The following CCBE1 variants were observed in gnomAD, a reference collection of about 807,000 sequenced individuals.
The protein encoded by CCBE1 is collagen and calcium-binding EGF domain-containing protein 1.
A neutral mutation model predicts 50.0 loss-of-function variants in CCBE1; 37 were observed. The ratio of observed to expected loss-of-function variants is 0.74; its 90% CI spans 0.57 to 0.97. The LOEUF (loss-of-function observed/expected upper bound fraction) is 0.97, where lower values mean the gene tolerates loss of function less well. Among genes scored for constraint, CCBE1 ranks in the 50% least tolerant of loss-of-function variants. The pLI is 0.00. For synonymous variants in CCBE1, 234 were observed against 203.7 expected (o/e 1.15, Z -1.27); for missense variants, 538 against 523.8 (o/e 1.03, Z -0.26).
At chr18:59,443,986 A>T (rs1568142067) in intron 7 of CCBE1, among the ~76,000 whole-genome samples, 1 of 152,238 alleles carries the variant, frequency 6.6e-6, no homozygotes, top group Non-Finnish European at 1.5e-5. Flanking sequence ...AGTGTTAATT[A>T]TATAGTGTGT....
At chr18:59,470,934 C>T (rs1469490140) in intron 3 of CCBE1, among the ~76,000 whole-genome samples, 3 of 152,196 alleles carry the variant, frequency 2.0e-5, no homozygotes, top group Non-Finnish European at 4.4e-5. Flanking sequence ...TAAAATACTC[C>T]TTCCCATGAT....
rs1568201642 is a variant in CCBE1, at chr18:59,551,025, A to AG, written c.213-70788_213-70787insC. Among the ~76,000 whole-genome samples, 108 of 114,844 alleles carry AG rather than the reference A, an allele frequency of 9.4e-4. 1 individual carries two copies. Among genetic ancestry groups the AG allele is most frequent in the East Asian group, 7.3e-3 (27 of 3,684 alleles). The allele number at this position is 114,844 out of a possible 152,430, so 75.3% of individuals were successfully genotyped here. A position where few individuals can be genotyped will look rare whatever the true frequency, so the allele number is the denominator to read the frequency against. The stretch of plus-strand genomic sequence containing the variant: ...AAAAAAAAAAAAAAAAAAAAAAAAA[A>AG]AAAAGAAAAGAAAAGAAAAGAAAAA... On this transcript the variant is annotated intron_variant, in intron 2 of 10. Coordinates refer to ENST00000439986, the MANE Select transcript of CCBE1 (RefSeq NM_133459.4).
At chr18:59,617,338 A>C (rs529939826) in intron 2 of CCBE1, among the ~76,000 whole-genome samples, 1 of 152,222 alleles carries the variant, frequency 6.6e-6, no homozygotes, top group East Asian at 1.9e-4. Context: ...TACAAATCCT[A>C]GTCTTAGATT....
At chr18:59,484,926 A>C (rs1215585039) in intron 2 of CCBE1, among the ~76,000 whole-genome samples, 1 of 152,230 alleles carries the variant, frequency 6.6e-6, no homozygotes, top group African/African-American at 2.4e-5. Flanking sequence ...ATTACTTACA[A>C]CATTATTTAC....
intron 2 of CCBE1, among the ~76,000 whole-genome samples, chr18:59,659,335 G>A (rs908125819): frequency 1.3e-4 from 19 of 151,466 alleles, no homozygotes; most frequent in African/African-American, 3.9e-4. Context: ...TAAATGTTAG[G>A]AGCCAATACA....
chr18:59,625,553 T>G (rs1194074970), intron 2 of CCBE1, among the ~76,000 whole-genome samples: 1 of 151,682 alleles, frequency 6.6e-6, no homozygotes, highest in Admixed American at 6.6e-5. Flanking sequence ...AGCAGCAAAC[T>G]GAGATCTTTA....
At chr18:59,578,663 A>T (rs556709394) in intron 2 of CCBE1, among the ~76,000 whole-genome samples, 1 of 152,170 alleles carries the variant, frequency 6.6e-6, no homozygotes, top group East Asian at 1.9e-4. Flanking sequence ...TGAAGCTGGA[A>T]ACCATCATTC....
intron 2 of CCBE1, among the ~76,000 whole-genome samples, chr18:59,546,228 T>A (rs1181176222): frequency 6.6e-6 from 1 of 152,246 alleles, no homozygotes; most frequent in Non-Finnish European, 1.5e-5. Context: ...CTAATGAAGT[T>A]GTGTATTTTT....
At chr18:59,543,352 T>C (rs764942924) in intron 2 of CCBE1, among the ~76,000 whole-genome samples, 1 of 152,194 alleles carries the variant, frequency 6.6e-6, no homozygotes, top group Non-Finnish European at 1.5e-5. Flanking sequence ...AAATATACAG[T>C]ATTAAAGTAT....
chr18:59,640,723 A>G (rs886859326), intron 2 of CCBE1, among the ~76,000 whole-genome samples: 14 of 152,176 alleles, frequency 9.2e-5, no homozygotes, highest in African/African-American at 3.1e-4. Flanking sequence ...GGGAGAAAAT[A>G]TCTACAAACT....
At position 59,692,955 on chromosome 18, in the gene CCBE1, A is replaced by AACACACACACACAC. The variant is rs1568276448; in HGVS notation, c.212+3673_212+3674insGTGTGTGTGTGTGT. ...TAAAAGAACCACTTTGTCAAGCCAA[A>AACACACACACACAC]GCACACACACACACACACACACACA... is the stretch of plus-strand genomic sequence containing the variant. On this transcript the variant is annotated intron_variant, in intron 2 of 10. Transcript: ENST00000439986. Among the ~76,000 whole-genome samples, 13 of 143,182 alleles carry AACACACACACACAC rather than the reference A, an allele frequency of 9.1e-5. No individual in the cohort carries two copies. In the East Asian group the frequency reaches 1.5e-3, roughly 16 times the overall value. The allele number at this position is 143,182 out of a possible 152,430, so 93.9% of individuals were successfully genotyped here.
At chr18:59,486,524 T>A (rs922224119) in intron 2 of CCBE1, among the ~76,000 whole-genome samples, 1 of 152,182 alleles carries the variant, frequency 6.6e-6, no homozygotes, top group Non-Finnish European at 1.5e-5. Context: ...ACCCTATGGA[T>A]TTAGGAGGCT....
chr18:59,682,003 G>C (rs1014753676), intron 2 of CCBE1, among the ~76,000 whole-genome samples: 2 of 152,164 alleles, frequency 1.3e-5, no homozygotes, highest in African/African-American at 2.4e-5. Flanking sequence ...TCTGAGGTTC[G>C]GCGAGAGCCA....
chr18:59,695,202 G>A (rs138150654), intron 2 of CCBE1, among the ~76,000 whole-genome samples: 96 of 152,268 alleles, frequency 6.3e-4, no homozygotes, highest in Middle Eastern at 6.8e-3. Flanking sequence ...TGTTAAATTC[G>A]AGGCTTTATA....
At chr18:59,454,171 T>C (rs551041514) in intron 6 of CCBE1, among the ~76,000 whole-genome samples, 115 of 152,294 alleles carry the variant, frequency 7.6e-4, no homozygotes, top group Middle Eastern at 3.4e-3. Context: ...TTAGATAAAA[T>C]AGAATTACTT....
chr18:59,515,462 A>G (rs373935143), intron 2 of CCBE1, among the ~76,000 whole-genome samples: 28 of 152,114 alleles, frequency 1.8e-4, no homozygotes, highest in African/African-American at 6.8e-4. Flanking sequence ...CTGGGTTGAG[A>G]TTCTCCTCTG....
At chr18:59,591,289 A>AAAAAT (rs2053265163) in intron 2 of CCBE1, among the ~76,000 whole-genome samples, 1 of 143,732 alleles carries the variant, frequency 7.0e-6, no homozygotes, top group African/African-American at 2.5e-5. Flanking sequence ...AAAAAAAAAA[A>AAAAAT]GCTGCTAAGT....
chr18:59,598,462 G>A (rs952687885), intron 2 of CCBE1, among the ~76,000 whole-genome samples: 1 of 152,144 alleles, frequency 6.6e-6, no homozygotes, highest in Non-Finnish European at 1.5e-5. Context: ...TGACCGGCAG[G>A]ACCTAAAGCA....
Position 59,438,102 on chromosome 18 carries a change from G to A in CCBE1, c.987+9C>T, listed in dbSNP as rs1910242331. ...CCCCTGGGGAAGCAGGACACAGAGT[G>A]CTACTTACTGGAGACCCTCTGGGCC... On this transcript the variant is annotated intron_variant, in intron 10 of 10. Coordinates refer to ENST00000439986, the MANE Select transcript of CCBE1 (RefSeq NM_133459.4). 6.2e-7 allele frequency: 1 copy of A among 1,613,946 alleles called. No homozygotes were observed. Among genetic ancestry groups the A allele is most frequent in the African/African-American group, 1.3e-5 (1 of 75,014 alleles).
Sources: allele counts gnomAD v4.1 joint callset (sites outside exome capture counted in the v4.1 genomes callset), GRCh38; gene constraint gnomAD v4.1.1; transcripts MANE v1.5; gene names NCBI Gene and HGNC (gene_info 2026-07-23, HGNC 2026-07-21).